The following PAGE2B variants were observed in gnomAD, a reference collection of about 807,000 sequenced individuals.
PAGE2B encodes the protein putative G antigen family E member 3.
PAGE2B carries 5 observed loss-of-function variants against 7.6 expected under a neutral mutation model. That is an observed-to-expected ratio of 0.66 (90% CI 0.34 to 1.38). PAGE2B has a LOEUF of 1.38. Among genes scored for constraint, PAGE2B ranks in the 40% most tolerant of loss-of-function variants. The pLI, the probability that PAGE2B is intolerant of heterozygous loss-of-function variation, is 0.04. For synonymous variants in PAGE2B, 29 were observed against 26.7 expected (o/e 1.09, Z -0.27); for missense variants, 70 against 78.4 (o/e 0.89, Z 0.41).
intron 1 of PAGE2B, among the ~76,000 whole-genome samples, chrX:55,075,792 G>A (rs113299695): frequency 2.7e-5 from 3 of 111,143 alleles, no homozygotes; most frequent in Admixed American, 9.6e-5. Context: ...AAACCAAAAC[G>A]CAGAAATGTC....
At chrX:55,069,336 T>C in the PAGE2B span, among the ~76,000 whole-genome samples, 2 of 111,763 alleles carry the variant, frequency 1.8e-5, no homozygotes, top group East Asian at 5.6e-4. Context: ...TGTGATGGAT[T>C]ACGTTTATTG....
At chrX:55,054,652 C>T in the PAGE2B span, among the ~76,000 whole-genome samples, 1 of 112,285 alleles carries the variant, frequency 8.9e-6, no homozygotes, top group African/African-American at 3.2e-5. Flanking sequence ...GGCCTCAAAA[C>T]TGAAATCGAA....
chrX:55,067,588 C>T, the PAGE2B span, among the ~76,000 whole-genome samples: 3,770 of 111,489 alleles, frequency 0.034, 67 homozygotes, highest in Non-Finnish European at 0.05. Context: ...ATTGCTGGGT[C>T]AAATGGTACT....
the PAGE2B span, among the ~76,000 whole-genome samples, chrX:55,067,693 C>T: frequency 1.8e-5 from 2 of 111,852 alleles, no homozygotes; most frequent in African/African-American, 6.5e-5. Context: ...ATTCCTATTT[C>T]TCCACATCCT....
chrX:55,064,822 G>A, the PAGE2B span, among the ~76,000 whole-genome samples: 1 of 111,432 alleles, frequency 9.0e-6, no homozygotes, highest in Admixed American at 9.6e-5. Flanking sequence ...TCATTCAGAA[G>A]CATATTGTTT....
At chrX:55,065,883 G>T in the PAGE2B span, among the ~76,000 whole-genome samples, 9 of 111,513 alleles carry the variant, frequency 8.1e-5, no homozygotes, top group Non-Finnish European at 1.7e-4. Flanking sequence ...GTAACTCTTT[G>T]TAGTTTATCT....
Position 55,076,697 on chromosome X carries a change from T to A in PAGE2B, c.193+20T>A. On this transcript the variant is annotated intron_variant, in intron 3 of 4. Transcript: ENST00000374971. The stretch of plus-strand genomic sequence containing the variant: ...TTCAAGGTGAAGGGAGAGTGGAGAA[T>A]AATGCTTATGGGTGGTGGAGGTCTA... 1 of 1,178,946 alleles carries A rather than the reference T, an allele frequency of 8.5e-7. No individual in the cohort carries two copies. Among genetic ancestry groups the A allele is most frequent in the Non-Finnish European group, 1.1e-6 (1 of 871,946 alleles).
At chrX:55,050,446 T>C in the PAGE2B span, among the ~76,000 whole-genome samples, 37 of 108,586 alleles carry the variant, frequency 3.4e-4, no homozygotes, top group Non-Finnish European at 5.7e-4. Context: ...GGAGTCTAAG[T>C]CTCTTTGTAG....
At chrX:55,043,285 C>T in the PAGE2B span, among the ~76,000 whole-genome samples, 1 of 111,811 alleles carries the variant, frequency 8.9e-6, no homozygotes, top group South Asian at 3.7e-4. Flanking sequence ...TAGGCAAAGA[C>T]TTCATGACCA....
intron 3 of PAGE2B, 65 bp from the exon 4 acceptor site, chrX:55,077,334 T>G (rs4520303): frequency 4.2e-6 from 5 of 1,188,011 alleles, no homozygotes; most frequent in Non-Finnish European, 3.4e-6. Context: ...GGAATAAATA[T>G]TATCATTTCC....
At chrX:55,054,326 A>G in the PAGE2B span, among the ~76,000 whole-genome samples, 1 of 112,620 alleles carries the variant, frequency 8.9e-6, no homozygotes, top group African/African-American at 3.2e-5. Context: ...AACTATTCTA[A>G]TTCTACTTTC....
At chrX:55,056,983 C>T in the PAGE2B span, among the ~76,000 whole-genome samples, 3 of 111,425 alleles carry the variant, frequency 2.7e-5, no homozygotes, top group Non-Finnish European at 5.7e-5. Flanking sequence ...TATATTTACT[C>T]GCATATGGCT....
the PAGE2B span, among the ~76,000 whole-genome samples, chrX:55,060,808 AT>A: frequency 9.2e-6 from 1 of 108,967 alleles, no homozygotes; most frequent in African/African-American, 3.3e-5. Flanking sequence ...TTTTGTGTGT[AT>A]TTTTTTTGTT....
the PAGE2B span, among the ~76,000 whole-genome samples, chrX:55,041,238 T>A: frequency 9.2e-6 from 1 of 108,172 alleles, no homozygotes; most frequent in African/African-American, 3.4e-5. Context: ...CCTGCCACCA[T>A]GCCCGGCTAA....
At chrX:55,051,797 C>T in the PAGE2B span, among the ~76,000 whole-genome samples, 1 of 111,860 alleles carries the variant, frequency 8.9e-6, no homozygotes, top group African/African-American at 3.3e-5. Context: ...CTGAAGCCTT[C>T]TTCTCTCAAC....
chrX:55,047,855 A>G, the PAGE2B span, among the ~76,000 whole-genome samples: 1 of 111,818 alleles, frequency 8.9e-6, no homozygotes, highest in African/African-American at 3.3e-5. Context: ...TTTTGTTGCC[A>G]TTGCTTTTGG....
At chrX:55,033,834 C>T in the PAGE2B span, among the ~76,000 whole-genome samples, 1 of 112,263 alleles carries the variant, frequency 8.9e-6, no homozygotes, top group African/African-American at 3.2e-5. Flanking sequence ...ATTTTCTTAG[C>T]ATAGATTTTC....
chrX:55,049,070 G>A, the PAGE2B span, among the ~76,000 whole-genome samples: 1 of 111,709 alleles, frequency 9.0e-6, no homozygotes, highest in African/African-American at 3.2e-5. Context: ...TAATCATGTG[G>A]TTTTTGTCTT....
rs752335336 is a variant in PAGE2B, at chrX:55,077,463, T to A, written c.258T>A (p.Asp86Glu). 5.0e-6 allele frequency: 6 copies of A among 1,211,928 alleles called. No individual in the cohort carries two copies. Among genetic ancestry groups the A allele is most frequent in the Non-Finnish European group, 6.7e-6 (6 of 895,480 alleles). ...ALLKIEDEPG[D>E]GPDVREGIMP... The stretch of plus-strand genomic sequence containing the variant: ...TTAAGATAGAGGATGAGCCTGGAGA[T>A]GGTCCTGATGTCAGGGAGGGGATTA... The change falls in exon 4 of 5, where the codon GAT (aspartate) becomes GAA (glutamate). Residue 86 changes from aspartate to glutamate, a missense_variant. Coordinates refer to ENST00000374971, the MANE Select transcript of PAGE2B (RefSeq NM_001015038.3).
Sources: gnomAD v4.1 joint callset for allele counts (sites outside exome capture counted in the v4.1 genomes callset) on GRCh38, gnomAD v4.1.1 for gene constraint, MANE v1.5 for transcripts, NCBI Gene and HGNC (gene_info 2026-07-23, HGNC 2026-07-21) for gene names.